SLC47A2: variants seen among roughly 807,000 people sequenced by gnomAD.
SLC47A2 encodes the protein solute carrier family 47 member 2.
A neutral mutation model predicts 67.7 loss-of-function variants in SLC47A2; 52 were observed. The ratio of observed to expected loss-of-function variants is 0.77; its 90% CI spans 0.61 to 0.97. The LOEUF (loss-of-function observed/expected upper bound fraction) is 0.97, where lower values mean the gene tolerates loss of function less well. Among genes scored for constraint, SLC47A2 ranks in the 50% least tolerant of loss-of-function variants. The pLI is 0.00. For synonymous variants in SLC47A2, 278 were observed against 292.9 expected, an observed-to-expected ratio of 0.95 and a Z score of 0.52; for missense variants, 676 against 712.3, an observed-to-expected ratio of 0.95 and a Z score of 0.58.
intron 13 of SLC47A2, among the ~76,000 whole-genome samples, chr17:19,699,270 CA>C (rs565263612): frequency 2.9e-4 from 44 of 151,922 alleles, no homozygotes; most frequent in Non-Finnish European, 6.2e-4. Context: ...TCCTGTTTTA[CA>C]AAAGTTAAAA....
intron 13 of SLC47A2, among the ~76,000 whole-genome samples, chr17:19,693,130 A>T (rs1342749256): frequency 4.2e-5 from 3 of 70,956 alleles, no homozygotes; most frequent in African/African-American, 1.4e-4. Context: ...ACTCTGTCTC[A>T]AAAAAAAAGA....
At chr17:19,705,311 C>T (rs112353211) in intron 10 of SLC47A2, 125 bp downstream of exon 10, 27 of 1,020,866 alleles carry the variant, frequency 2.6e-5, no homozygotes, top group South Asian at 3.0e-5. Flanking sequence ...CTGGTGGGCA[C>T]GAGAGGCCCG....
At chr17:19,704,716 T>C in intron 10 of SLC47A2, 1 of 1,538,306 alleles carries the variant, frequency 6.5e-7, no homozygotes, top group Non-Finnish European at 8.8e-7. Context: ...AGAGGGGAGG[T>C]GGGGGCTGTG....
At chr17:19,711,278 T>C (rs2086086319) in intron 5 of SLC47A2, among the ~76,000 whole-genome samples, 2 of 151,128 alleles carry the variant, frequency 1.3e-5, no homozygotes, top group South Asian at 2.1e-4. Context: ...CATGAGAAAA[T>C]GTTCAACTTC....
At chr17:19,715,741 T>C (rs1459386681) in intron 1 of SLC47A2, 1 of 120,830 alleles carries the variant, frequency 8.3e-6, no homozygotes, top group Non-Finnish European at 1.6e-5. Context: ...AGTTTCGCCC[T>C]TGTTGCCCAG....
At chr17:19,714,124 G>C in intron 3 of SLC47A2, 151 bp from the exon 4 acceptor site, 1 of 1,058,578 alleles carries the variant, frequency 9.4e-7, no homozygotes, top group Non-Finnish European at 1.3e-6. Context: ...GCCTGTAATG[G>C]CACAGCGGCC....
intron 5 of SLC47A2, 34 bp from the exon 6 acceptor site, chr17:19,708,794 TA>T: frequency 1.2e-6 from 2 of 1,612,734 alleles, no homozygotes; most frequent in Non-Finnish European, 1.7e-6. Flanking sequence ...AAATCAACAA[TA>T]ATGACCAAAA....
intron 9 of SLC47A2, among the ~76,000 whole-genome samples, chr17:19,706,134 TC>T (rs1270198784): frequency 6.6e-6 from 1 of 152,122 alleles, no homozygotes; most frequent in Non-Finnish European, 1.5e-5. Context: ...TTTGTGGAGT[TC>T]CTGTGTTCTT....
At chr17:19,704,852 G>A (rs1432101471) in intron 10 of SLC47A2, among the ~76,000 whole-genome samples, 1 of 138,744 alleles carries the variant, frequency 7.2e-6, no homozygotes, top group Non-Finnish European at 1.5e-5. Flanking sequence ...TTGAGACAGA[G>A]TCTTACTCTG....
chr17:19,684,809 C>T (rs1037739250), intron 13 of SLC47A2, among the ~76,000 whole-genome samples: 16 of 151,742 alleles, frequency 1.1e-4, no homozygotes, highest in Non-Finnish European at 2.2e-4. Context: ...AACTACTTTT[C>T]GCCCTCTCCC....
chr17:19,705,652 TG>T, intron 9 of SLC47A2, 149 bp from the exon 10 acceptor site: 1 of 686,414 alleles, frequency 1.5e-6, no homozygotes, highest in Non-Finnish European at 2.3e-6. Flanking sequence ...TGAGCTGGAG[TG>T]CAGTGGCGCA....
chr17:19,715,272 C>T (rs2086222969), intron 1 of SLC47A2, 55 bp from the exon 2 acceptor site: 2 of 1,513,788 alleles, frequency 1.3e-6, no homozygotes, highest in South Asian at 2.3e-5. Context: ...CACAGCCGAG[C>T]CCTGCAAGAC....
chr17:19,683,452 T>C (rs1374503982), intron 13 of SLC47A2, among the ~76,000 whole-genome samples: 2 of 152,124 alleles, frequency 1.3e-5, no homozygotes, highest in Non-Finnish European at 2.9e-5. Flanking sequence ...TAGCCTGAGG[T>C]TGTGGGCCTG....
At chr17:19,716,741 T>C (rs557659793), upstream of SLC47A2, 188 of 869,490 alleles carry the variant, frequency 2.2e-4, no homozygotes, top group African/African-American at 2.5e-3. Flanking sequence ...GAGTCCCTGC[T>C]GCCAAGCCTA....
intron 13 of SLC47A2, among the ~76,000 whole-genome samples, chr17:19,682,204 AATAC>A (rs1308776967): frequency 6.6e-6 from 1 of 152,020 alleles, no homozygotes; most frequent in Non-Finnish European, 1.5e-5. Context: ...CATCTCTAAA[AATAC>A]AAAAATTAGC....
intron 13 of SLC47A2, among the ~76,000 whole-genome samples, chr17:19,695,429 C>T (rs959155993): frequency 7.1e-6 from 1 of 141,362 alleles, no homozygotes; most frequent in Non-Finnish European, 1.5e-5. Context: ...CTGTAGTGAG[C>T]TATGATGGTG....
intron 13 of SLC47A2, among the ~76,000 whole-genome samples, chr17:19,693,883 C>T (rs1026614441): frequency 2.3e-4 from 35 of 152,134 alleles, no homozygotes; most frequent in African/African-American, 8.2e-4. Context: ...ATGACATGAT[C>T]CTACATGTAG....
intron 13 of SLC47A2, among the ~76,000 whole-genome samples, chr17:19,701,408 T>G (rs2085784187): frequency 1.3e-5 from 2 of 152,134 alleles, no homozygotes; most frequent in Non-Finnish European, 2.9e-5. Context: ...CACAGAGGCC[T>G]TTGGAAATAT....
chr17:19,714,718 C>T lies in SLC47A2; in HGVS notation c.294+3G>A. 1 of 1,614,038 alleles carries T rather than the reference C, an allele frequency of 6.2e-7. No homozygotes were observed. Among genetic ancestry groups the T allele is most frequent in the Non-Finnish European group, 8.5e-7 (1 of 1,180,038 alleles). On this transcript the variant is annotated splice_donor_region_variant and intron_variant, in intron 3 of 16. Coordinates refer to ENST00000433844, the MANE Select transcript of SLC47A2 (RefSeq NM_001099646.3). The stretch of plus-strand genomic sequence containing the variant: ...TCCTGCCCAGCTCCAGGAGGCCACC[C>T]ACCTGAGACATCAAGGTGTCACATG...
Sources: gnomAD v4.1 joint callset for allele counts (sites outside exome capture counted in the v4.1 genomes callset) on GRCh38, gnomAD v4.1.1 for gene constraint, MANE v1.5 for transcripts, NCBI Gene and HGNC (gene_info 2026-07-23, HGNC 2026-07-21) for gene names.